PDZD2: variants seen among roughly 807,000 people sequenced by gnomAD.
PDZD2 encodes the protein PDZ domain containing 2.
In PDZD2, 90 loss-of-function variants were observed where a neutral mutation model predicts 220.7. That is an observed-to-expected ratio of 0.41 (90% confidence interval 0.34 to 0.49). The LOEUF is 0.49. PDZD2 is among the 20% of genes least tolerant of loss of function. PDZD2 has a pLI of 0.28. For missense variants in PDZD2, 3,174 were observed against 3,608.5 expected (o/e 0.88, Z 3.08); for synonymous variants, 1,375 against 1,450.5 (o/e 0.95, Z 1.18).
intron 1 of PDZD2, among the ~76,000 whole-genome samples, chr5:31,652,762 G>A (rs1745398485): frequency 6.6e-6 from 1 of 152,216 alleles, no homozygotes; most frequent in Non-Finnish European, 1.5e-5. Flanking sequence ...TGTAATCCCA[G>A]CACTTTGGGA....
chr5:31,689,239 T>TTGTGTGTGTGTGTGTG (rs70955736), intron 1 of PDZD2, among the ~76,000 whole-genome samples: 45 of 140,056 alleles, frequency 3.2e-4, no homozygotes, highest in African/African-American at 1.1e-3. Context: ...TGGCTAATGT[T>TTGTGTGTGTGTGTGTG]TGTGTGTGTG....
chr5:31,849,787 T>C (rs1757806210), intron 2 of PDZD2, among the ~76,000 whole-genome samples: 1 of 149,640 alleles, frequency 6.7e-6, no homozygotes, highest in African/African-American at 2.5e-5. Flanking sequence ...GAGGTTGCAG[T>C]AAGCCGAGAT....
At chr5:31,977,706 C>G (rs1457185793) in intron 2 of PDZD2, among the ~76,000 whole-genome samples, 2 of 152,246 alleles carry the variant, frequency 1.3e-5, no homozygotes. Context: ...GACGCAGTGC[C>G]TCGCTCCTGT....
intron 5 of PDZD2, among the ~76,000 whole-genome samples, chr5:32,003,574 AT>A (rs1288088078): frequency 1.3e-5 from 2 of 151,886 alleles, no homozygotes; most frequent in Admixed American, 6.6e-5. Context: ...CGCGTGTTTC[AT>A]TTGCACAGCC....
chr5:31,967,806 C>A (rs572340278), intron 2 of PDZD2, among the ~76,000 whole-genome samples: 1 of 152,086 alleles, frequency 6.6e-6, no homozygotes, highest in Non-Finnish European at 1.5e-5. Flanking sequence ...CATAGCAAAG[C>A]CCCCTGTGAT....
intron 2 of PDZD2, among the ~76,000 whole-genome samples, chr5:31,922,379 T>G (rs900074150): frequency 6.6e-6 from 1 of 152,222 alleles, no homozygotes; most frequent in African/African-American, 2.4e-5. Context: ...TCTTCCCCAC[T>G]TGAATAAGAA....
At chr5:31,763,893 T>G (rs1318214434) in intron 1 of PDZD2, among the ~76,000 whole-genome samples, 2 of 141,158 alleles carry the variant, frequency 1.4e-5, no homozygotes, top group African/African-American at 5.6e-5. Flanking sequence ...AAAAAAGTCA[T>G]AGTGTAGACC....
chr5:31,957,456 G>T (rs555274148), intron 2 of PDZD2, among the ~76,000 whole-genome samples: 1 of 152,092 alleles, frequency 6.6e-6, no homozygotes, highest in African/African-American at 2.4e-5. Flanking sequence ...AACTTAACAC[G>T]CATTACCGAA....
At chr5:32,020,778 G>A (rs1028802988) in intron 6 of PDZD2, among the ~76,000 whole-genome samples, 1 of 151,756 alleles carries the variant, frequency 6.6e-6, no homozygotes, top group Admixed American at 6.6e-5. Flanking sequence ...CCAAGTAGCT[G>A]GGACTATAGG....
chr5:31,927,383 T>TTTTG (rs888623369), intron 2 of PDZD2, among the ~76,000 whole-genome samples: 5 of 151,980 alleles, frequency 3.3e-5, no homozygotes, highest in Admixed American at 6.6e-5. Flanking sequence ...TTGGGTGTTT[T>TTTTG]TTTGTTTGTT....
intron 1 of PDZD2, among the ~76,000 whole-genome samples, chr5:31,737,355 G>T (rs959532581): frequency 2.7e-5 from 4 of 147,822 alleles, no homozygotes; most frequent in African/African-American, 7.3e-5. Flanking sequence ...TGTATTTTTA[G>T]TAGAGATGGG....
chr5:32,074,418 C>T lies in PDZD2; in HGVS notation c.3312C>T (p.Pro1104=). 5.0e-6 allele frequency: 8 copies of T among 1,614,196 alleles called. No homozygotes were observed. Among genetic ancestry groups the T allele is most frequent in the Non-Finnish European group, 6.8e-6 (8 of 1,180,020 alleles). ...AGAGTCCGACGAACACTGGGAGCCC[C>T]AGTTCCCCCCAGCAGAAAAGTGAAG... ...DTQSPTNTGS[P]SSPQQKSEGL... is the part of the protein sequence containing the mutation. Residue 1104 remains proline, a synonymous_variant, in exon 18 of 25, where the codon CCC becomes CCT. Transcript: ENST00000438447.
At chr5:31,753,188 G>T (rs1351676614) in intron 1 of PDZD2, among the ~76,000 whole-genome samples, 1 of 152,168 alleles carries the variant, frequency 6.6e-6, no homozygotes, top group African/African-American at 2.4e-5. Context: ...TTTTATAGAG[G>T]TACCATTGTA....
At chr5:31,753,472 C>T (rs1751129225) in intron 1 of PDZD2, among the ~76,000 whole-genome samples, 1 of 152,176 alleles carries the variant, frequency 6.6e-6, no homozygotes, top group Non-Finnish European at 1.5e-5. Flanking sequence ...TAGTGGCACG[C>T]ACCTGTAGTC....
chr5:31,995,530 T>C (rs1289642759), intron 3 of PDZD2, 46 bp from the exon 4 acceptor site: 2 of 1,611,024 alleles, frequency 1.2e-6, no homozygotes, highest in Non-Finnish European at 1.7e-6. Flanking sequence ...GTCAATGCCG[T>C]GTGTCTGTCA....
chr5:31,961,981 A>C (rs911842112), intron 2 of PDZD2, among the ~76,000 whole-genome samples: 1 of 152,154 alleles, frequency 6.6e-6, no homozygotes, highest in Non-Finnish European at 1.5e-5. Context: ...AGGTAGAGAG[A>C]GAATTGGGTC....
chr5:31,771,623 C>T (rs1011981310), intron 1 of PDZD2, among the ~76,000 whole-genome samples: 2 of 152,040 alleles, frequency 1.3e-5, no homozygotes, highest in African/African-American at 4.8e-5. Context: ...AAGCCCAGAC[C>T]CAAATTGAAA....
intron 2 of PDZD2, among the ~76,000 whole-genome samples, chr5:31,864,977 T>G: frequency 6.7e-6 from 1 of 148,824 alleles, no homozygotes; most frequent in South Asian, 2.2e-4. Context: ...GCCCCCCGAG[T>G]AGCTGGGACT....
chr5:31,960,430 G>A (rs1486804630), intron 2 of PDZD2, among the ~76,000 whole-genome samples: 3 of 152,068 alleles, frequency 2.0e-5, no homozygotes, highest in South Asian at 2.1e-4. Context: ...GGCTGGTCTC[G>A]AACTCCTGAC....
Sources: allele counts gnomAD v4.1 joint callset (sites outside exome capture counted in the v4.1 genomes callset), GRCh38; gene constraint gnomAD v4.1.1; transcripts MANE v1.5; gene names NCBI Gene and HGNC (gene_info 2026-07-23, HGNC 2026-07-21).